BMPR1B: variants seen among roughly 807,000 people sequenced by gnomAD.
The protein encoded by BMPR1B is bone morphogenetic protein receptor type 1B, also known as bone morphogenetic protein receptor type-1B.
BMPR1B carries 12 observed loss-of-function variants against 59.1 expected under a neutral mutation model. That is an observed-to-expected ratio of 0.20 (90% confidence interval 0.13 to 0.33). BMPR1B has a LOEUF of 0.33. Ranked by LOEUF, BMPR1B falls within the 10% of genes least tolerant of loss-of-function variation. BMPR1B has a pLI of 1.00. For synonymous variants in BMPR1B, 237 were observed against 207.3 expected (o/e 1.14, Z -1.23); for missense variants, 550 against 610.9 (o/e 0.90, Z 1.05).
At chr4:95,024,105 C>G (rs1450491317) in intron 3 of BMPR1B, among the ~76,000 whole-genome samples, 1 of 152,200 alleles carries the variant, frequency 6.6e-6, no homozygotes, top group African/African-American at 2.4e-5. Context: ...GAATTCAAAA[C>G]TGCTAAATGT....
intron 1 of BMPR1B, among the ~76,000 whole-genome samples, chr4:94,807,841 T>C (rs538418076): frequency 2.6e-5 from 4 of 152,208 alleles, no homozygotes; most frequent in East Asian, 3.9e-4. Flanking sequence ...CCTGCCACCA[T>C]GCCTGGCCAA....
At chr4:95,054,987 G>T in intron 3 of BMPR1B, among the ~76,000 whole-genome samples, 1 of 152,104 alleles carries the variant, frequency 6.6e-6, no homozygotes, top group East Asian at 1.9e-4. Context: ...AAAGCAATCA[G>T]ATTAAATAAA....
intron 8 of BMPR1B, among the ~76,000 whole-genome samples, chr4:95,125,821 G>A (rs1019018713): frequency 2.6e-5 from 4 of 151,976 alleles, no homozygotes; most frequent in African/African-American, 9.7e-5. Flanking sequence ...TATGTCCTGG[G>A]TAAAATATCC....
At chr4:95,024,490 A>G (rs564655842) in intron 3 of BMPR1B, among the ~76,000 whole-genome samples, 84 of 152,244 alleles carry the variant, frequency 5.5e-4, no homozygotes, top group African/African-American at 1.8e-3. Flanking sequence ...TCTGTAACCC[A>G]TGGCATCTGT....
At position 94,953,968 on chromosome 4, in the gene BMPR1B, A is replaced by AT. The variant is rs559809798; in HGVS notation, c.-112-42064dup. The stretch of plus-strand genomic sequence containing the variant: ...TTGGAGGCTTTGTTCATTCCTTTTC[A>AT]TTTTTTTTCCCTAATCTTGTCTTCA... On this transcript the variant is annotated intron_variant, in intron 2 of 12. Coordinates refer to ENST00000515059, the MANE Select transcript of BMPR1B (RefSeq NM_001203.3). Among the ~76,000 whole-genome samples, 12 of 149,136 alleles carry AT rather than the reference A, an allele frequency of 8.0e-5. No individual in the cohort carries two copies. The South Asian group carries it at 1.9e-3, about 24-fold the overall frequency.
At chr4:95,023,173 A>G (rs1180429442) in intron 3 of BMPR1B, among the ~76,000 whole-genome samples, 3 of 152,154 alleles carry the variant, frequency 2.0e-5, no homozygotes, top group Non-Finnish European at 4.4e-5. Context: ...TTAAACACAT[A>G]TCCACCCAAA....
intron 2 of BMPR1B, among the ~76,000 whole-genome samples, chr4:94,884,599 C>G (rs1727102030): frequency 6.6e-6 from 1 of 152,070 alleles, no homozygotes; most frequent in African/African-American, 2.4e-5. Context: ...TTGTAACCAC[C>G]CTAGGGAGGT....
chr4:94,901,643 A>G (rs780100306), intron 2 of BMPR1B, among the ~76,000 whole-genome samples: 1 of 152,050 alleles, frequency 6.6e-6, no homozygotes, highest in South Asian at 2.1e-4. Flanking sequence ...TAAAACAACA[A>G]TGAAATATCC....
At chr4:94,844,634 T>C (rs115502496) in intron 1 of BMPR1B, among the ~76,000 whole-genome samples, 3,095 of 151,660 alleles carry the variant, frequency 0.02, 127 homozygotes, top group African/African-American at 0.07. Flanking sequence ...CCAGGTCTCT[T>C]GCTCTCTGCT....
intron 1 of BMPR1B, among the ~76,000 whole-genome samples, chr4:94,771,342 T>C (rs1045744244): frequency 1.3e-5 from 2 of 152,060 alleles, no homozygotes; most frequent in African/African-American, 4.8e-5. Flanking sequence ...ATGTTGGAGG[T>C]CTGTTAGAGC....
Position 95,154,715 on chromosome 4 carries a change from T to A in BMPR1B, c.*42T>A, listed in dbSNP as rs745676484. ...AGCATCTCTGCAGAAAGCCAACAGG[T>A]ACTCTTCTGTTTGTGGGCAGAGCAA... On this transcript the variant is annotated 3_prime_UTR_variant, in exon 13 of 13. Coordinates refer to ENST00000515059, the MANE Select transcript of BMPR1B (RefSeq NM_001203.3). The A allele has an allele frequency of 3.7e-6, 6 of 1,611,082 alleles. No homozygotes were observed. The highest frequency in any genetic ancestry group is 1.1e-5 in the South Asian group (1 of 90,980).
intron 2 of BMPR1B, among the ~76,000 whole-genome samples, chr4:94,946,436 T>C (rs1729712481): frequency 6.6e-6 from 1 of 152,188 alleles, no homozygotes; most frequent in Non-Finnish European, 1.5e-5. Context: ...GAAGTGAGGA[T>C]TTTATGGGTG....
chr4:94,802,599 A>G (rs1262244271), intron 1 of BMPR1B, among the ~76,000 whole-genome samples: 1 of 152,200 alleles, frequency 6.6e-6, no homozygotes, highest in East Asian at 1.9e-4. Flanking sequence ...AAGTGATACC[A>G]TATGGAGTAT....
chr4:94,853,030 T>C (rs994420764), intron 1 of BMPR1B, among the ~76,000 whole-genome samples: 1 of 152,184 alleles, frequency 6.6e-6, no homozygotes, highest in African/African-American at 2.4e-5. Context: ...CCTAATATAT[T>C]GTGGATTCGT....
At chr4:95,135,576 A>G (rs1430568912) in intron 10 of BMPR1B, among the ~76,000 whole-genome samples, 2 of 152,178 alleles carry the variant, frequency 1.3e-5, no homozygotes, top group Non-Finnish European at 1.5e-5. Flanking sequence ...GAGGTCCTTC[A>G]CATCCCTTGT....
At chr4:94,789,943 A>G (rs762864470) in intron 1 of BMPR1B, among the ~76,000 whole-genome samples, 10 of 152,154 alleles carry the variant, frequency 6.6e-5, no homozygotes, top group Non-Finnish European at 1.5e-4. Flanking sequence ...AGCCTACTCA[A>G]CATGAAGACG....
At chr4:95,142,725 G>A (rs1227888395) in intron 10 of BMPR1B, among the ~76,000 whole-genome samples, 1 of 151,954 alleles carries the variant, frequency 6.6e-6, no homozygotes, top group East Asian at 1.9e-4. Context: ...TGCCACAGCG[G>A]GCTGTGCTTA....
intron 2 of BMPR1B, among the ~76,000 whole-genome samples, chr4:94,891,620 T>C (rs555839137): frequency 1.3e-5 from 2 of 152,154 alleles, no homozygotes; most frequent in South Asian, 4.2e-4. Context: ...AAAGGAAATG[T>C]TGGAATGGCA....
chr4:95,087,364 ATGTG>A (rs149996410), intron 3 of BMPR1B, among the ~76,000 whole-genome samples: 3 of 151,404 alleles, frequency 2.0e-5, no homozygotes, highest in South Asian at 4.2e-4. Context: ...CTAGAGATAG[ATGTG>A]TGTGTGTGTG....
Sources: allele counts gnomAD v4.1 joint callset (sites outside exome capture counted in the v4.1 genomes callset), GRCh38; gene constraint gnomAD v4.1.1; transcripts MANE v1.5; gene names NCBI Gene and HGNC (gene_info 2026-07-23, HGNC 2026-07-21).